The following SNX8 variants were observed in gnomAD, a reference collection of about 807,000 sequenced individuals.
SNX8 encodes sorting nexin-8.
Under a neutral mutation model 51.6 loss-of-function variants are expected in SNX8, and 25 were observed. That is an observed-to-expected ratio of 0.48 (90% CI 0.35 to 0.68). The LOEUF (loss-of-function observed/expected upper bound fraction) is 0.68. Ranked by LOEUF, SNX8 falls within the 30% of genes least tolerant of loss-of-function variation. The probability of loss-of-function intolerance (pLI) is 0.00; values close to 1 mark genes in which losing one functional copy is unlikely to be tolerated. For synonymous variants in SNX8, 324 were observed against 277.0 expected (o/e 1.17, Z -1.68); for missense variants, 695 against 624.0 (o/e 1.11, Z -1.21).
At chr7:2,327,474 C>G (rs897930258) in intron 1 of SNX8, among the ~76,000 whole-genome samples, 5 of 151,994 alleles carry the variant, frequency 3.3e-5, no homozygotes, top group African/African-American at 1.2e-4. Flanking sequence ...GTGGCGCGAT[C>G]TCGGCTCACT....
chr7:2,328,687 C>G (rs1338091877), intron 1 of SNX8, among the ~76,000 whole-genome samples: 1 of 152,126 alleles, frequency 6.6e-6, no homozygotes, highest in Non-Finnish European at 1.5e-5. Context: ...CACGGTGGCT[C>G]ACGCCTGTAA....
At chr7:2,291,885 C>T (rs1286701918) in intron 1 of SNX8, among the ~76,000 whole-genome samples, 2 of 152,246 alleles carry the variant, frequency 1.3e-5, no homozygotes, top group East Asian at 3.8e-4. Context: ...CTGTGGCTTC[C>T]CACTGCTGCC....
At chr7:2,280,774 T>C (rs1795889669) in intron 1 of SNX8, among the ~76,000 whole-genome samples, 1 of 149,950 alleles carries the variant, frequency 6.7e-6, no homozygotes, top group East Asian at 2.0e-4. Context: ...AAATATCAAT[T>C]TACTAAACTA....
Position 2,301,970 on chromosome 7 carries a change from C to T in SNX8, c.94+12358G>A, listed in dbSNP as rs141524771. ...CAAAGAGTTGGGGATCGGCCAGGCG[C>T]GGTGGCTCACACCTGTAATCCCAGC... On this transcript the variant is annotated intron_variant, in intron 1 of 10. Coordinates refer to ENST00000222990, the MANE Select transcript of SNX8 (RefSeq NM_013321.4). Among the ~76,000 whole-genome samples the T allele has an allele frequency of 3.9e-3, 598 of 152,238 alleles. 1 individual carries two copies. The highest frequency in any genetic ancestry group is 0.013 in the African/African-American group (556 of 41,534).
intron 1 of SNX8, among the ~76,000 whole-genome samples, chr7:2,346,071 T>C (rs1012210362): frequency 6.6e-6 from 1 of 152,166 alleles, no homozygotes; most frequent in South Asian, 2.1e-4. Context: ...CCTCCCAAAG[T>C]GCTGGGATTA....
rs930049748 is a variant in SNX8 at position 2,274,882 on chromosome 7, A to G, written c.418+230T>C. 1.9e-5 allele frequency: 10 copies of G among 534,498 alleles called. No homozygotes were observed. The South Asian group carries it at 2.5e-4, about 13-fold the overall frequency. The allele number at this position is 534,498 out of a possible 1,614,324, so 33.1% of individuals were successfully genotyped here. A position where few individuals can be genotyped will look rare whatever the true frequency, so the allele number is the denominator to read the frequency against. The stretch of plus-strand genomic sequence containing the variant: ...GCAAGGGCTTCCCCACCTGTCAGTC[A>G]TGCAGCTGAAGGCTCTGGTGGGCCA... On this transcript the variant is annotated intron_variant, in intron 3 of 10. Transcript: ENST00000222990.
intron 1 of SNX8, among the ~76,000 whole-genome samples, chr7:2,342,996 T>C (rs1778961160): frequency 6.6e-6 from 1 of 151,808 alleles, no homozygotes; most frequent in Non-Finnish European, 1.5e-5. Flanking sequence ...GGTTTTACCG[T>C]ATTGGTCAGG....
chr7:2,271,960 AC>A lies in SNX8; in HGVS notation c.429del (p.Glu143AspfsTer10). 1 of 1,613,744 alleles carries A rather than the reference AC, an allele frequency of 6.2e-7. No homozygotes were observed. The highest frequency in any genetic ancestry group is 1.3e-5 in the African/African-American group (1 of 74,918). ...AGGGCTCTCCTCCTGGCCTCGATGA[AC>A]TCCCTGTCAGCTGGAGGAGCACACG... Reference protein sequence around the residue: ...PPKRMLGADREFIEARRRALK... With the variant: ...PPKRMLGADRXFIEARRRALK... On this transcript the variant is annotated frameshift_variant, in exon 4 of 11. Transcript: ENST00000222990. LOFTEE classifies it high-confidence loss of function.
intron 1 of SNX8, among the ~76,000 whole-genome samples, chr7:2,347,632 G>A (rs1300859392): frequency 1.4e-5 from 1 of 70,954 alleles, no homozygotes; most frequent in Non-Finnish European, 3.0e-5. Context: ...TTTTTTTTTT[G>A]CTCATTTTAT....
upstream of SNX8, among the ~76,000 whole-genome samples, chr7:2,314,969 C>G (rs1796730465): frequency 6.6e-6 from 1 of 152,028 alleles, no homozygotes; most frequent in East Asian, 1.9e-4. Context: ...GCCACTCACT[C>G]ACTCACTGCA....
In SNX8 at chr7:2,257,779, C is replaced by T. The variant is rs1417764347; in HGVS notation, c.940G>A (p.Val314Met). The change falls in exon 8 of 11, where the codon GTG becomes ATG. Residue 314 changes from valine to methionine, a missense_variant. Transcript: ENST00000222990. ...QQGKQEENDVVEKLNLFLDLL... is the reference protein window; with the variant it reads ...QQGKQEENDVMEKLNLFLDLL... ...TCCAAGAAGAGGTTCAGCTTCTCCA[C>T]CACGTCGTTCTCTTCCTGCTTACCC... 2 of 1,614,058 alleles carry T rather than the reference C, an allele frequency of 1.2e-6. No individual in the cohort carries two copies. The highest frequency in any genetic ancestry group is 2.2e-5 in the East Asian group (1 of 44,872).
intron 1 of SNX8, among the ~76,000 whole-genome samples, chr7:2,342,511 C>T (rs941657849): frequency 1.3e-5 from 2 of 151,702 alleles, no homozygotes; most frequent in African/African-American, 2.4e-5. Context: ...AAAAATCAGC[C>T]GGACGCAGTG....
chr7:2,293,068 C>A (rs1796189803), intron 1 of SNX8, among the ~76,000 whole-genome samples: 1 of 151,010 alleles, frequency 6.6e-6, no homozygotes, highest in Non-Finnish European at 1.5e-5. Context: ...TGAACTTCAT[C>A]AAAATTTAAA....
At chr7:2,323,643 G>A (rs1003746080) in intron 1 of SNX8, among the ~76,000 whole-genome samples, 1 of 152,160 alleles carries the variant, frequency 6.6e-6, no homozygotes, top group Non-Finnish European at 1.5e-5. Flanking sequence ...ACTCATTGCT[G>A]TTCACAACGC....
At chr7:2,306,320 C>G (rs566212827) in intron 1 of SNX8, among the ~76,000 whole-genome samples, 1 of 151,672 alleles carries the variant, frequency 6.6e-6, no homozygotes, top group Non-Finnish European at 1.5e-5. Context: ...TTAGTAGAGA[C>G]GGGGTTTCAC....
At chr7:2,296,421 C>T (rs1469735398) in intron 1 of SNX8, among the ~76,000 whole-genome samples, 2 of 151,934 alleles carry the variant, frequency 1.3e-5, no homozygotes, top group Non-Finnish European at 2.9e-5. Context: ...TTTGTGTATA[C>T]TGATTTTGTA....
In SNX8 at chr7:2,257,764, G is replaced by A; in HGVS notation, c.955C>T (p.Leu319Phe). ...TAGGACTGCAGCAGATCCAAGAAGA[G>A]GTTCAGCTTCTCCACCACGTCGTTC... is the stretch of plus-strand genomic sequence containing the variant. ...EENDVVEKLN[L>F]FLDLLQSYKD... Residue 319 changes from leucine to phenylalanine, a missense_variant, in exon 8 of 11, where the codon CTC becomes TTC. By Grantham distance (22) the Leu-to-Phe change is conservative. Coordinates refer to ENST00000222990, the MANE Select transcript of SNX8 (RefSeq NM_013321.4). 6.2e-7 allele frequency: 1 copy of A among 1,614,056 alleles called. No homozygotes were observed.
chr7:2,331,286 A>G (rs1288145175), intron 1 of SNX8, among the ~76,000 whole-genome samples: 3 of 151,900 alleles, frequency 2.0e-5, no homozygotes, highest in Non-Finnish European at 4.4e-5. Flanking sequence ...AAATCCAGAA[A>G]AGCTACTAGA....
At position 2,308,496 on chromosome 7, in the gene SNX8, C is replaced by T. The variant is rs188379081; in HGVS notation, c.94+5832G>A. On this transcript the variant is annotated intron_variant, in intron 1 of 10. Coordinates refer to ENST00000222990, the MANE Select transcript of SNX8 (RefSeq NM_013321.4). ...CAGCCTGGTCAACATGGTAAAACCC[C>T]GACTCTACTAAAAATACAAAAATTA... is the stretch of plus-strand genomic sequence containing the variant. Among the ~76,000 whole-genome samples the T allele has an allele frequency of 4.2e-4, 64 of 151,488 alleles. No homozygotes were observed. In the East Asian group the frequency reaches 7.2e-3, roughly 17 times the overall value.
Sources: allele counts gnomAD v4.1 joint callset (sites outside exome capture counted in the v4.1 genomes callset), GRCh38; gene constraint gnomAD v4.1.1; transcripts MANE v1.5; gene names NCBI Gene and HGNC (gene_info 2026-07-23, HGNC 2026-07-21).